The following NR5A2 variants were observed in gnomAD, a reference collection of about 807,000 sequenced individuals.
NR5A2 encodes CYP7A promoter-binding factor.
Under a neutral mutation model 62.7 loss-of-function variants are expected in NR5A2, and 26 were observed. That is an observed-to-expected ratio of 0.41 (90% confidence interval 0.30 to 0.58). NR5A2 has a LOEUF of 0.58. Among genes scored for constraint, NR5A2 ranks in the 20% least tolerant of loss-of-function variants. The probability of loss-of-function intolerance (pLI) is 0.22; values close to 1 mark genes in which losing one functional copy is unlikely to be tolerated. For synonymous variants in NR5A2, 246 were observed against 241.7 expected, an observed-to-expected ratio of 1.02 and a Z score of -0.16; for missense variants, 541 against 669.1, an observed-to-expected ratio of 0.81 and a Z score of 2.11.
intron 2 of NR5A2, among the ~76,000 whole-genome samples, chr1:200,042,480 T>G (rs975682350): frequency 8.5e-5 from 13 of 152,256 alleles, no homozygotes; most frequent in Admixed American, 7.8e-4. Flanking sequence ...TTCTCTTTCC[T>G]TTTTGGTAAA....
intron 7 of NR5A2, among the ~76,000 whole-genome samples, chr1:200,167,453 C>T (rs1211051632): frequency 6.6e-6 from 1 of 152,130 alleles, no homozygotes; most frequent in Non-Finnish European, 1.5e-5. Context: ...CCTTGGCCGC[C>T]GTATTTCTCA....
chr1:200,132,720 G>A (rs1667018552), intron 7 of NR5A2, among the ~76,000 whole-genome samples: 1 of 152,184 alleles, frequency 6.6e-6, no homozygotes, highest in Non-Finnish European at 1.5e-5. Flanking sequence ...TGTGCTCTTG[G>A]TTGATGTTTC....
At chr1:200,045,721 T>C in intron 4 of NR5A2, 137 bp downstream of exon 4, 2 of 627,138 alleles carry the variant, frequency 3.2e-6, no homozygotes, top group Non-Finnish European at 5.0e-6. Flanking sequence ...GATCTTTCTA[T>C]GTTTCATCTG....
At chr1:200,123,804 T>C (rs1571516658) in intron 7 of NR5A2, among the ~76,000 whole-genome samples, 1 of 145,440 alleles carries the variant, frequency 6.9e-6, no homozygotes, top group Non-Finnish European at 1.5e-5. Flanking sequence ...TTTTTAGAGG[T>C]GGTTTTTTTT....
At chr1:200,034,013 A>G (rs1301560691) in intron 1 of NR5A2, among the ~76,000 whole-genome samples, 1 of 152,194 alleles carries the variant, frequency 6.6e-6, no homozygotes, top group Non-Finnish European at 1.5e-5. Context: ...GCAAAAGCCG[A>G]GGAATTCTGA....
At chr1:200,094,181 GGTTT>G (rs1664956064) in intron 5 of NR5A2, among the ~76,000 whole-genome samples, 2 of 71,436 alleles carry the variant, frequency 2.8e-5, no homozygotes, top group African/African-American at 1.5e-4. Flanking sequence ...AAAAAAAATT[GGTTT>G]TTTTTTTTCT....
rs978221658 is a variant in NR5A2 at position 200,039,160 on chromosome 1, G to C, written c.65-498G>C. 1.3e-5 allele frequency among the ~76,000 whole-genome samples: 2 copies of C among 152,114 alleles called. No homozygotes were observed. The highest frequency in any genetic ancestry group is 1.3e-4 in the Admixed American group (2 of 15,248). On this transcript the variant is annotated intron_variant, in intron 1 of 7. Coordinates refer to ENST00000367362, the MANE Select transcript of NR5A2 (RefSeq NM_205860.3). This position sits in a 1 kb window ranked among gnomAD's most constrained non-coding sequence, Gnocchi z 5.1. Reference sequence around the variant, plus strand: ...AGCAAGAGAGAGGCAGAGAGAGATAGGGGGAAGGGGCGGAGAGGAGGGGAG... The same window carrying C: ...AGCAAGAGAGAGGCAGAGAGAGATACGGGGAAGGGGCGGAGAGGAGGGGAG...
Position 200,147,685 on chromosome 1 carries a change from T to C in NR5A2, c.1379-26278T>C, listed in dbSNP as rs1667771852. On this transcript the variant is annotated intron_variant, in intron 7 of 7. Coordinates refer to ENST00000367362, the MANE Select transcript of NR5A2 (RefSeq NM_205860.3). This position sits in a 1 kb window ranked among gnomAD's most constrained non-coding sequence, Gnocchi z 4.9. ...GGACACGTGGAAGACATGGGTGGAC[T>C]TGGGCTCCGAGGCGATCTCCTCCAG... 2 of 684,956 alleles carry C rather than the reference T, an allele frequency of 2.9e-6. No homozygotes were observed. The highest frequency in any genetic ancestry group is 5.5e-6 in the Non-Finnish European group (2 of 361,518). The allele number at this position is 684,956 out of a possible 1,614,324, so 42.4% of individuals were successfully genotyped here. A position where few individuals can be genotyped will look rare whatever the true frequency, so the allele number is the denominator to read the frequency against.
chr1:200,121,804 A>G (rs912924457), intron 7 of NR5A2, among the ~76,000 whole-genome samples: 10 of 151,924 alleles, frequency 6.6e-5, no homozygotes, highest in Admixed American at 1.3e-4. Flanking sequence ...ATTCACCAAC[A>G]TATGTTTTTT....
rs1303992926 is a variant in NR5A2 at position 200,147,343 on chromosome 1, C to T, written c.1378+26388C>T. ...CTCTCCTCATCCAGCAAAGCTCGGC[C>T]TACATGGAGGTTTGCTGACTCCCCC... On this transcript the variant is annotated intron_variant, in intron 7 of 7. Transcript: ENST00000367362. This position sits in a 1 kb window ranked among gnomAD's most constrained non-coding sequence, Gnocchi z 4.9. Among the ~76,000 whole-genome samples the T allele has an allele frequency of 1.3e-5, 2 of 152,202 alleles. No individual in the cohort carries two copies. The highest frequency in any genetic ancestry group is 2.9e-5 in the Non-Finnish European group (2 of 68,034).
At chr1:200,145,235 G>A (rs1025245701) in intron 7 of NR5A2, among the ~76,000 whole-genome samples, 5 of 152,284 alleles carry the variant, frequency 3.3e-5, no homozygotes, top group Admixed American at 1.3e-4. Context: ...GCCTGAACCC[G>A]GGAGGCGGAG....
At chr1:200,135,532 A>G (rs865987030) in intron 7 of NR5A2, among the ~76,000 whole-genome samples, 14 of 138,544 alleles carry the variant, frequency 1.0e-4, no homozygotes, top group South Asian at 2.3e-4. Flanking sequence ...AAAAAAAAAA[A>G]AAGAAGAAGA....
intron 5 of NR5A2, among the ~76,000 whole-genome samples, chr1:200,069,394 C>T (rs528414872): frequency 3.9e-5 from 6 of 152,042 alleles, no homozygotes; most frequent in Admixed American, 2.6e-4. Flanking sequence ...CTGAGTAACA[C>T]GGATTATAGG....
chr1:200,065,478 T>C (rs1663426195), intron 5 of NR5A2, among the ~76,000 whole-genome samples: 1 of 152,234 alleles, frequency 6.6e-6, no homozygotes, highest in African/African-American at 2.4e-5. Context: ...GATTTATTGC[T>C]GATTATTTCA....
chr1:200,031,387 T>C (rs1186129440), intron 1 of NR5A2, among the ~76,000 whole-genome samples: 5 of 152,024 alleles, frequency 3.3e-5, no homozygotes, highest in Admixed American at 1.3e-4. Context: ...TGTGGTGGCA[T>C]GTGCCTGTAG....
intron 7 of NR5A2, among the ~76,000 whole-genome samples, chr1:200,124,665 A>G (rs1666623632): frequency 6.6e-6 from 1 of 152,178 alleles, no homozygotes; most frequent in African/African-American, 2.4e-5. Context: ...TGGGCCAGGT[A>G]TGGTGGCTCA....
intron 7 of NR5A2, among the ~76,000 whole-genome samples, chr1:200,161,067 A>G (rs189599348): frequency 1.4e-4 from 22 of 152,128 alleles, no homozygotes; most frequent in Non-Finnish European, 1.6e-4. Flanking sequence ...TTGGGAGCAG[A>G]TGGTCTTTAG....
At chr1:200,073,330 A>G (rs1467259005) in intron 5 of NR5A2, among the ~76,000 whole-genome samples, 1 of 142,978 alleles carries the variant, frequency 7.0e-6, no homozygotes, top group Admixed American at 7.2e-5. Flanking sequence ...CTTTATATAT[A>G]TATATATATT....
rs776447675 is a variant in NR5A2 at position 200,147,583 on chromosome 1, C to T, written c.1379-26380C>T. 9.3e-5 allele frequency: 66 copies of T among 713,328 alleles called. No individual in the cohort carries two copies. The highest frequency in any genetic ancestry group is 1.5e-4 in the Non-Finnish European group (57 of 384,154). The allele number at this position is 713,328 out of a possible 1,614,324, so 44.2% of individuals were successfully genotyped here. A position where few individuals can be genotyped will look rare whatever the true frequency, so the allele number is the denominator to read the frequency against. On this transcript the variant is annotated intron_variant, in intron 7 of 7. Coordinates refer to ENST00000367362, the MANE Select transcript of NR5A2 (RefSeq NM_205860.3). The surrounding 1 kb of genome is among the most constrained non-coding windows in gnomAD (Gnocchi z 4.9). ...TGTGCTTAAAGCGATCTCCTCTACA[C>T]GAACGCTAGGGCAGAGCACATTTTC... is the stretch of plus-strand genomic sequence containing the variant.
Sources: gnomAD v4.1 joint callset for allele counts (sites outside exome capture counted in the v4.1 genomes callset) on GRCh38, gnomAD v4.1.1 for gene constraint, Gnocchi (gnomAD v3.1) non-coding constraint, MANE v1.5 for transcripts, NCBI Gene and HGNC (gene_info 2026-07-23, HGNC 2026-07-21) for gene names.